Variants in NR2F2 observed in about 807,000 individuals in gnomAD.
NR2F2 encodes the protein nuclear receptor subfamily 2 group F member 2.
In NR2F2, 2 loss-of-function variants were observed where a neutral mutation model predicts 34.8. The observed-to-expected ratio is 0.06, with a 90% CI of 0.02 to 0.18. The LOEUF (loss-of-function observed/expected upper bound fraction) is 0.18, where lower values mean the gene tolerates loss of function less well. Ranked by LOEUF, NR2F2 falls within the 10% of genes least tolerant of loss-of-function variation. The pLI is 1.00. For missense variants in NR2F2, 300 were observed against 580.1 expected (o/e 0.52, Z 4.96); for synonymous variants, 274 against 251.8 (o/e 1.09, Z -0.84).
At position 96,334,613 on chromosome 15, in the gene NR2F2, A is replaced by AGCCCT. The variant is rs563165104; in HGVS notation, c.970+12_970+16dup. 1.9e-4 allele frequency: 303 copies of AGCCCT among 1,577,958 alleles called. No individual in the cohort carries two copies. In the African/African-American group the frequency reaches 3.3e-3, roughly 17 times the overall value. On this transcript the variant is annotated intron_variant, in intron 2 of 2. Transcript: ENST00000394166. Reference sequence around the variant, plus strand: ...GTCCTGTTCACCTCAGGTAGGAAGGAGCCCTGTCTTCTCGTGCCCACGGGC... The same window carrying AGCCCT: ...GTCCTGTTCACCTCAGGTAGGAAGGAGCCCTGCCCTGTCTTCTCGTGCCCACGGGC...
upstream of NR2F2, chr15:96,326,093 G>A (rs1222450917): frequency 1.6e-6 from 1 of 608,092 alleles, no homozygotes; most frequent in Non-Finnish European, 2.9e-6. The surrounding 1 kb of genome is among the most constrained non-coding windows in gnomAD (Gnocchi z 5.5). Context: ...CCTAATACAT[G>A]GGGAAGCACT....
In NR2F2 at chr15:96,337,632, A is replaced by G. The variant is rs760882947; in HGVS notation, c.*10A>G. The G allele has an allele frequency of 8.7e-6, 14 of 1,608,962 alleles. No individual in the cohort carries two copies. Among genetic ancestry groups the G allele is most frequent in the Non-Finnish European group, 1.2e-5 (14 of 1,176,612 alleles). On this transcript the variant is annotated 3_prime_UTR_variant, in exon 3 of 3. Transcript: ENST00000394166. ...TATGGCAATTCAATAAATAAATAAA[A>G]TAAGAAGGGGGAGTGAAACAGAGAA...
At chr15:96,326,424 G>C, upstream of NR2F2, 1 of 1,335,542 alleles carries the variant, frequency 7.5e-7, no homozygotes, top group Middle Eastern at 1.8e-4. This position sits in a 1 kb window ranked among gnomAD's most constrained non-coding sequence, Gnocchi z 5.5. Context: ...GTGTGGGGTT[G>C]GGGATGACTT....
intron 1 of NR2F2, 71 bp from the exon 2 acceptor site, chr15:96,334,005 C>G: frequency 7.1e-6 from 11 of 1,556,468 alleles, no homozygotes; most frequent in Non-Finnish European, 9.5e-6. Flanking sequence ...CGGGCTGGGG[C>G]AGACCCCGCC....
chr15:96,326,576 G>T (rs765347545), upstream of NR2F2, among the ~76,000 whole-genome samples: 1 of 151,746 alleles, frequency 6.6e-6, no homozygotes, highest in Non-Finnish European at 1.5e-5. This position sits in a 1 kb window ranked among gnomAD's most constrained non-coding sequence, Gnocchi z 5.5. Flanking sequence ...AGATGGTGGA[G>T]GGGGAGGGGG....
In NR2F2 at chr15:96,331,782, C is replaced by T; in HGVS notation, c.-324C>T. On this transcript the variant is annotated 5_prime_UTR_variant, in exon 1 of 3. Coordinates refer to ENST00000394166, the MANE Select transcript of NR2F2 (RefSeq NM_021005.4). Reference sequence around the variant, plus strand: ...CCTCTTTCTCCACGTTCTGCTCCCACTCGCTCTCCTGTCCCCTTCCCCTCC... The same window carrying T: ...CCTCTTTCTCCACGTTCTGCTCCCATTCGCTCTCCTGTCCCCTTCCCCTCC... 8.4e-7 allele frequency: 1 copy of T among 1,193,344 alleles called. No individual in the cohort carries two copies. Among genetic ancestry groups the T allele is most frequent in the Non-Finnish European group, 1.0e-6 (1 of 960,340 alleles). The allele number at this position is 1,193,344 out of a possible 1,614,324, so 73.9% of individuals were successfully genotyped here.
At chr15:96,326,334 C>T, upstream of NR2F2, 1 of 1,613,560 alleles carries the variant, frequency 6.2e-7, no homozygotes, top group Non-Finnish European at 8.5e-7. This position sits in a 1 kb window ranked among gnomAD's most constrained non-coding sequence, Gnocchi z 5.5. Context: ...GGACCTTGAA[C>T]AAGGCAAATA....
intron 2 of NR2F2, among the ~76,000 whole-genome samples, chr15:96,334,920 AGGCCCCCCGGGCCTGCTG>A (rs1439323389): frequency 6.6e-6 from 1 of 152,198 alleles, no homozygotes; most frequent in African/African-American, 2.4e-5. Context: ...TCCTGAGCCC[AGGCCCCCCGGGCCTGCTG>A]GGCCCCAGGG....
At position 96,337,886 on chromosome 15, in the gene NR2F2, G is replaced by T; in HGVS notation, c.*264G>T. ...GCTACTTATCATTTTTGTATAAAAA[G>T]GAAATTAGTCTTTTTCTTTTTTTGG... is the stretch of plus-strand genomic sequence containing the variant. On this transcript the variant is annotated 3_prime_UTR_variant, in exon 3 of 3. Transcript: ENST00000394166. The T allele has an allele frequency of 3.1e-6, 1 of 326,400 alleles. No individual in the cohort carries two copies. The highest frequency in any genetic ancestry group is 5.5e-6 in the Non-Finnish European group (1 of 182,914). The allele number at this position is 326,400 out of a possible 1,614,324, so 20.2% of individuals were successfully genotyped here. A position where few individuals can be genotyped will look rare whatever the true frequency, so the allele number is the denominator to read the frequency against.
chr15:96,330,885 G>T lies in NR2F2; in HGVS notation c.-1221G>T, dbSNP rs1567136766. On this transcript the variant is annotated 5_prime_UTR_variant, in exon 1 of 3. Coordinates refer to ENST00000394166, the MANE Select transcript of NR2F2 (RefSeq NM_021005.4). ...GAGTTGCCTCCTTTCTCCGGGTGCC[G>T]TACTGCCTTTTTTCCCCTCTTTCAT... The T allele has an allele frequency of 1.7e-6, 2 of 1,152,322 alleles. No individual in the cohort carries two copies. The highest frequency in any genetic ancestry group is 1.6e-5 in the African/African-American group (1 of 61,218). The allele number at this position is 1,152,322 out of a possible 1,614,324, so 71.4% of individuals were successfully genotyped here.
rs781381551 is a variant in NR2F2, at chr15:96,339,128, T to C, written c.*1506T>C. ...AAAAAGGCCCTTATATTTGTCACAC[T>C]TAAGTGCCTGCTTAGGGAAGGTATT... On this transcript the variant is annotated 3_prime_UTR_variant, in exon 3 of 3. Coordinates refer to ENST00000394166, the MANE Select transcript of NR2F2 (RefSeq NM_021005.4). The C allele has an allele frequency of 4.2e-4, 64 of 152,018 alleles. No homozygotes were observed. Among genetic ancestry groups the C allele is most frequent in the Non-Finnish European group, 1.6e-4 (11 of 67,994 alleles). The allele number at this position is 152,018 out of a possible 1,614,324, so 9.4% of individuals were successfully genotyped here.
At chr15:96,332,683 G>A (rs1301566499) in intron 1 of NR2F2, 136 bp downstream of exon 1, 2 of 1,445,956 alleles carry the variant, frequency 1.4e-6, no homozygotes, top group Non-Finnish European at 1.8e-6. Context: ...TTTTATACTA[G>A]AAGCGAGTTC....
rs567188882 is a variant in NR2F2, at chr15:96,331,372, C to T, written c.-734C>T. 59 of 1,221,324 alleles carry T rather than the reference C, an allele frequency of 4.8e-5. No individual in the cohort carries two copies. The African/African-American group carries it at 8.6e-4, about 18-fold the overall frequency. The allele number at this position is 1,221,324 out of a possible 1,614,324, so 75.7% of individuals were successfully genotyped here. On this transcript the variant is annotated 5_prime_UTR_variant, in exon 1 of 3. Coordinates refer to ENST00000394166, the MANE Select transcript of NR2F2 (RefSeq NM_021005.4). ...TGCTGATTCCCCCGGACCCGGGCAG[C>T]GCTCCGGCCACTCCGCGGGCCGCCG...
In NR2F2 at chr15:96,337,359, C is replaced by A; in HGVS notation, c.982C>A (p.Leu328Ile). 1 of 1,612,196 alleles carries A rather than the reference C, an allele frequency of 6.2e-7. No homozygotes were observed. The highest frequency in any genetic ancestry group is 8.5e-7 in the Non-Finnish European group (1 of 1,178,574). Reference protein sequence around the residue: ...IVLFTSDACGLSDVAHVESLQ... With the variant: ...IVLFTSDACGISDVAHVESLQ... Reference sequence around the variant, plus strand: ...AAACTTTCTTCCAGATGCCTGTGGTCTCTCTGATGTAGCCCATGTGGAAAG... The same window carrying A: ...AAACTTTCTTCCAGATGCCTGTGGTATCTCTGATGTAGCCCATGTGGAAAG... The change falls in exon 3 of 3, where the codon CTC (leucine) becomes ATC (isoleucine). Residue 328 changes from leucine to isoleucine, a missense_variant. Transcript: ENST00000394166.
chr15:96,330,898 T>TC lies in NR2F2; in HGVS notation c.-1204dup. On this transcript the variant is annotated 5_prime_UTR_variant, in exon 1 of 3. Coordinates refer to ENST00000394166, the MANE Select transcript of NR2F2 (RefSeq NM_021005.4). ...TCTCCGGGTGCCGTACTGCCTTTTTTCCCCTCTTTCATTCTTTCTCTCCGT... is the reference window on the plus strand; with the variant it reads ...TCTCCGGGTGCCGTACTGCCTTTTTTCCCCCTCTTTCATTCTTTCTCTCCGT... 5 of 1,147,862 alleles carry TC rather than the reference T, an allele frequency of 4.4e-6. No homozygotes were observed. The highest frequency in any genetic ancestry group is 4.3e-6 in the Non-Finnish European group (4 of 932,934). The allele number at this position is 1,147,862 out of a possible 1,614,324, so 71.1% of individuals were successfully genotyped here.
rs1019945589 is a variant in NR2F2 at position 96,333,508 on chromosome 15, C to G, written c.443-568C>G. Reference sequence around the variant, plus strand: ...CGCCCTCTCCCTCCGTCTCTTTCTCCGAGCACACTGATTAGACAGACGCCA... The same window carrying G: ...CGCCCTCTCCCTCCGTCTCTTTCTCGGAGCACACTGATTAGACAGACGCCA... On this transcript the variant is annotated intron_variant, in intron 1 of 2. Coordinates refer to ENST00000394166, the MANE Select transcript of NR2F2 (RefSeq NM_021005.4). The G allele has an allele frequency of 7.0e-6, 7 of 1,002,326 alleles. No homozygotes were observed. In the African/African-American group the frequency reaches 1.2e-4, roughly 17 times the overall value. The allele number at this position is 1,002,326 out of a possible 1,614,324, so 62.1% of individuals were successfully genotyped here.
rs1476124994 is a variant in NR2F2, at chr15:96,339,610, G to A, written c.*1988G>A. The A allele has an allele frequency of 6.6e-6, 1 of 152,194 alleles. No individual in the cohort carries two copies. Among genetic ancestry groups the A allele is most frequent in the Admixed American group, 6.5e-5 (1 of 15,280 alleles). 9.4% of individuals were successfully genotyped at this position (152,194 alleles called of 1,614,324 possible). A position where few individuals can be genotyped will look rare whatever the true frequency, so the allele number is the denominator to read the frequency against. ...CTCTTGGGATCCTTTGTCCTTAGAA[G>A]CCAAATTAAGGAAGAGAAAGCAGGA... is the stretch of plus-strand genomic sequence containing the variant. On this transcript the variant is annotated 3_prime_UTR_variant, in exon 3 of 3. Coordinates refer to ENST00000394166, the MANE Select transcript of NR2F2 (RefSeq NM_021005.4).
rs954634337 is a variant in NR2F2, at chr15:96,339,884, G to A, written c.*2262G>A. The A allele has an allele frequency of 6.6e-6, 1 of 151,862 alleles. No individual in the cohort carries two copies. The highest frequency in any genetic ancestry group is 1.5e-5 in the Non-Finnish European group (1 of 67,986). The allele number at this position is 151,862 out of a possible 1,614,324, so 9.4% of individuals were successfully genotyped here. On this transcript the variant is annotated 3_prime_UTR_variant, in exon 3 of 3. Coordinates refer to ENST00000394166, the MANE Select transcript of NR2F2 (RefSeq NM_021005.4). ...GGGGGGGGGGAGGACTAGTGAGGGA[G>A]GTGAAAGAACAGGGATAATTTTGTA...
upstream of NR2F2, among the ~76,000 whole-genome samples, chr15:96,329,570 C>G (rs1190247193): frequency 6.6e-6 from 1 of 152,170 alleles, no homozygotes; most frequent in Non-Finnish European, 1.5e-5. Flanking sequence ...AGTCCGTACT[C>G]AACTGTTCTA....
Sources: gnomAD v4.1 joint callset for allele counts (sites outside exome capture counted in the v4.1 genomes callset) on GRCh38, gnomAD v4.1.1 for gene constraint, Gnocchi (gnomAD v3.1) non-coding constraint, MANE v1.5 for transcripts, NCBI Gene and HGNC (gene_info 2026-07-23, HGNC 2026-07-21) for gene names.